Variants in PCGF5 observed in about 807,000 individuals in gnomAD.
PCGF5 encodes polycomb group RING finger protein 5.
In PCGF5, 9 loss-of-function variants were observed where a neutral mutation model predicts 44.3. That is an observed-to-expected ratio of 0.20 (90% CI 0.12 to 0.35). The LOEUF is 0.35. Ranked by LOEUF, PCGF5 falls within the 10% of genes least tolerant of loss-of-function variation. The pLI is 1.00. For synonymous variants in PCGF5, 95 were observed against 102.5 expected (o/e 0.93, Z 0.44); for missense variants, 146 against 305.3 (o/e 0.48, Z 3.89).
intron 3 of PCGF5, among the ~76,000 whole-genome samples, chr10:91,244,037 A>T (rs2133357661): frequency 6.6e-6 from 1 of 152,328 alleles, no homozygotes; most frequent in South Asian, 2.1e-4. Context: ...GACAAAATAA[A>T]GATCTTTGCC....
chr10:91,256,115 A>T (rs930225999), intron 6 of PCGF5, among the ~76,000 whole-genome samples: 1 of 152,086 alleles, frequency 6.6e-6, no homozygotes, highest in Non-Finnish European at 1.5e-5. Context: ...AGTCAATAGA[A>T]ACTGTCGCTG....
intron 1 of PCGF5, among the ~76,000 whole-genome samples, chr10:91,185,404 C>T (rs1027893041): frequency 3.3e-5 from 5 of 152,356 alleles, no homozygotes; most frequent in African/African-American, 9.6e-5. Flanking sequence ...CCCCTTCCCC[C>T]AGGAACTGTG....
intron 1 of PCGF5, among the ~76,000 whole-genome samples, chr10:91,221,887 G>A (rs1308303144): frequency 6.6e-6 from 1 of 152,196 alleles, no homozygotes; most frequent in Non-Finnish European, 1.5e-5. Flanking sequence ...AAAGAAGTAA[G>A]CATTAAAAAC....
chr10:91,236,101 T>TAA (rs11385471), intron 2 of PCGF5, among the ~76,000 whole-genome samples: 3 of 151,946 alleles, frequency 2.0e-5, no homozygotes, highest in African/African-American at 7.3e-5. Context: ...AATAATAAAT[T>TAA]AAAAAAATAT....
intron 2 of PCGF5, among the ~76,000 whole-genome samples, chr10:91,232,002 CATATGCATCATTATTT>C (rs906547056): frequency 1.5e-4 from 23 of 152,234 alleles, no homozygotes; most frequent in African/African-American, 5.3e-4. Flanking sequence ...GAATGATCAG[CATATGCATCATTATTT>C]AAACAATGAA....
At chr10:91,270,526 A>T (rs1261785733) in intron 8 of PCGF5, among the ~76,000 whole-genome samples, 1 of 152,186 alleles carries the variant, frequency 6.6e-6, no homozygotes, top group Non-Finnish European at 1.5e-5. Context: ...GCTAAAAGAG[A>T]GCCGAGCTGA....
intron 1 of PCGF5, among the ~76,000 whole-genome samples, chr10:91,193,077 A>G (rs1844062335): frequency 6.6e-6 from 1 of 152,174 alleles, no homozygotes; most frequent in Admixed American, 6.5e-5. Flanking sequence ...CCAAAATGTG[A>G]GAGAGACTCC....
At chr10:91,207,074 G>T (rs147441863) in intron 1 of PCGF5, among the ~76,000 whole-genome samples, 3 of 152,084 alleles carry the variant, frequency 2.0e-5, no homozygotes, top group African/African-American at 7.2e-5. Flanking sequence ...ACATAGCCTC[G>T]CCCACTGTAG....
At chr10:91,277,905 T>C (rs1846356391) in intron 9 of PCGF5, among the ~76,000 whole-genome samples, 1 of 152,084 alleles carries the variant, frequency 6.6e-6, no homozygotes, top group South Asian at 2.1e-4. Flanking sequence ...CTGATCTGTC[T>C]TGTTCGCCTC....
At chr10:91,210,006 G>A (rs1300002333) in intron 1 of PCGF5, among the ~76,000 whole-genome samples, 1 of 152,192 alleles carries the variant, frequency 6.6e-6, no homozygotes, top group African/African-American at 2.4e-5. Flanking sequence ...TACCATTTGT[G>A]TCTTTTGCCA....
chr10:91,176,257 G>A (rs1456786554), intron 1 of PCGF5, among the ~76,000 whole-genome samples: 2 of 152,204 alleles, frequency 1.3e-5, no homozygotes, highest in African/African-American at 4.8e-5. Context: ...CTTCTGGCTT[G>A]TAGAGTTTCT....
At chr10:91,157,123 G>A in the PCGF5 span, among the ~76,000 whole-genome samples, 1 of 152,106 alleles carries the variant, frequency 6.6e-6, no homozygotes, top group Admixed American at 6.5e-5. Context: ...AAATAGCTTA[G>A]ACTAATGTTT....
chr10:91,265,215 G>A (rs1846021544), intron 8 of PCGF5, among the ~76,000 whole-genome samples: 1 of 152,038 alleles, frequency 6.6e-6, no homozygotes, highest in African/African-American at 2.4e-5. Context: ...AGTAACTTAG[G>A]TTCTACTAAG....
In PCGF5 at chr10:91,278,324, G is replaced by T. The variant is rs867270714; in HGVS notation, c.*8G>T. ...AGAATTGATTTCGGTTAGACCAAGG[G>T]GCCCAGACCTCACTGAGATGAATCC... On this transcript the variant is annotated 3_prime_UTR_variant, in exon 10 of 10. Coordinates refer to ENST00000336126, the MANE Select transcript of PCGF5 (RefSeq NM_032373.5). The T allele has an allele frequency of 1.9e-6, 3 of 1,607,522 alleles. No homozygotes were observed. Among genetic ancestry groups the T allele is most frequent in the Middle Eastern group, 3.3e-4 (2 of 6,048 alleles).
intron 2 of PCGF5, among the ~76,000 whole-genome samples, chr10:91,239,288 T>G (rs1845261547): frequency 6.6e-6 from 1 of 152,208 alleles, no homozygotes; most frequent in African/African-American, 2.4e-5. Flanking sequence ...TAAATTCCTA[T>G]TGAATCAATG....
At chr10:91,267,151 GT>G (rs927864878) in intron 8 of PCGF5, among the ~76,000 whole-genome samples, 7 of 152,114 alleles carry the variant, frequency 4.6e-5, no homozygotes, top group African/African-American at 1.2e-4. Context: ...ACACTGGCCT[GT>G]TTTCTCAACC....
intron 8 of PCGF5, among the ~76,000 whole-genome samples, chr10:91,270,175 C>T (rs1846145732): frequency 6.6e-6 from 1 of 152,132 alleles, no homozygotes; most frequent in African/African-American, 2.4e-5. Context: ...CACGTTCTTC[C>T]TGCTCACCTT....
chr10:91,168,163 T>G (rs1349399735), intron 1 of PCGF5, among the ~76,000 whole-genome samples: 1 of 152,140 alleles, frequency 6.6e-6, no homozygotes, highest in Non-Finnish European at 1.5e-5. Flanking sequence ...TGGGGCATCC[T>G]TATGGAGGGG....
chr10:91,261,377 A>C lies in PCGF5; in HGVS notation c.526A>C (p.Ile176Leu), dbSNP rs1845904184. 1 of 1,501,156 alleles carries C rather than the reference A, an allele frequency of 6.7e-7. No homozygotes were observed. Among genetic ancestry groups the C allele is most frequent in the Admixed American group, 1.8e-5 (1 of 54,220 alleles). 93.0% of individuals were successfully genotyped at this position (1,501,156 alleles called of 1,614,324 possible). The change falls in exon 7 of 10, where the codon ATT becomes CTT. Residue 176 changes from isoleucine (I) to leucine (L), a missense_variant. Coordinates refer to ENST00000336126, the MANE Select transcript of PCGF5 (RefSeq NM_032373.5). Reference sequence around the variant, plus strand: ...TTCTACACGTGTAACTGTGGGAACTATTAAAAAATTTCTAAGTTTAAAACT... The same window carrying C: ...TTCTACACGTGTAACTGTGGGAACTCTTAAAAAATTTCTAAGTTTAAAACT... ...RCSTRVTVGT[I>L]KKFLSLKLKL...
Sources: allele counts gnomAD v4.1 joint callset (sites outside exome capture counted in the v4.1 genomes callset), GRCh38; gene constraint gnomAD v4.1.1; transcripts MANE v1.5; gene names NCBI Gene and HGNC (gene_info 2026-07-23, HGNC 2026-07-21).